Variants in SPOCK3 observed in about 807,000 individuals in gnomAD.
SPOCK3 encodes SPARC (osteonectin), cwcv and kazal like domains proteoglycan 3, also known as testican-3.
Under a neutral mutation model 56.6 loss-of-function variants are expected in SPOCK3, and 30 were observed. That is an observed-to-expected ratio of 0.53 (90% CI 0.40 to 0.72). SPOCK3 has a LOEUF of 0.72. SPOCK3 is among the 30% of genes least tolerant of loss of function. SPOCK3 has a pLI of 0.00. For synonymous variants in SPOCK3, 196 were observed against 183.3 expected (o/e 1.07, Z -0.56); for missense variants, 527 against 530.0 (o/e 0.99, Z 0.06).
chr4:166,796,873 C>A (rs1741995380), intron 6 of SPOCK3, among the ~76,000 whole-genome samples: 1 of 152,154 alleles, frequency 6.6e-6, no homozygotes, highest in Admixed American at 6.6e-5. Flanking sequence ...TACAATTACT[C>A]TAAGGCAAAA....
At chr4:167,188,476 A>G (rs1483838011) in intron 2 of SPOCK3, among the ~76,000 whole-genome samples, 2 of 146,210 alleles carry the variant, frequency 1.4e-5, no homozygotes, top group Non-Finnish European at 3.0e-5. Context: ...GTTACGATAT[A>G]ACAGAAAAAA....
intron 2 of SPOCK3, among the ~76,000 whole-genome samples, chr4:167,221,935 A>G (rs1735959089): frequency 6.6e-6 from 1 of 152,130 alleles, no homozygotes; most frequent in African/African-American, 2.4e-5. Flanking sequence ...TTATCAGATG[A>G]CCCAGCAATT....
At chr4:166,889,075 ACAT>A (rs2127007715) in intron 6 of SPOCK3, 52 bp downstream of exon 6, 1 of 1,107,744 alleles carries the variant, frequency 9.0e-7, no homozygotes, top group Non-Finnish European at 1.4e-6. Context: ...CTATTGCAAA[ACAT>A]TTTAGTAGAG....
At chr4:167,066,541 A>C (rs1286405721) in intron 2 of SPOCK3, among the ~76,000 whole-genome samples, 1 of 151,934 alleles carries the variant, frequency 6.6e-6, no homozygotes, top group South Asian at 2.1e-4. Flanking sequence ...ATAATATTGA[A>C]AGTATATTAA....
At chr4:167,071,461 A>G (rs762570349) in intron 2 of SPOCK3, among the ~76,000 whole-genome samples, 5 of 151,696 alleles carry the variant, frequency 3.3e-5, no homozygotes, top group Non-Finnish European at 7.4e-5. Context: ...TCATTGTTCA[A>G]TTCCCACCTA....
At chr4:167,006,136 A>C (rs1236039454) in intron 3 of SPOCK3, among the ~76,000 whole-genome samples, 4 of 152,144 alleles carry the variant, frequency 2.6e-5, no homozygotes, top group African/African-American at 9.7e-5. Flanking sequence ...AAATATCCTT[A>C]AAACCATTTT....
chr4:167,106,526 C>T (rs1760166421), intron 2 of SPOCK3, among the ~76,000 whole-genome samples: 1 of 151,346 alleles, frequency 6.6e-6, no homozygotes, highest in Non-Finnish European at 1.5e-5. Flanking sequence ...GTGCCTACAT[C>T]AAAAACTAAG....
intron 6 of SPOCK3, among the ~76,000 whole-genome samples, chr4:166,813,947 G>T (rs1744113186): frequency 6.6e-6 from 1 of 152,032 alleles, no homozygotes; most frequent in Non-Finnish European, 1.5e-5. Context: ...TGCTAAAATT[G>T]AAGCACAAAA....
At chr4:167,005,979 CAT>C (rs2150136519) in intron 3 of SPOCK3, among the ~76,000 whole-genome samples, 1 of 152,170 alleles carries the variant, frequency 6.6e-6, no homozygotes, top group African/African-American at 2.4e-5. Flanking sequence ...ATACACAAAT[CAT>C]ATTGATTTTT....
chr4:166,950,589 T>C (rs958434158), intron 4 of SPOCK3, among the ~76,000 whole-genome samples: 3 of 151,574 alleles, frequency 2.0e-5, no homozygotes, highest in South Asian at 2.1e-4. Context: ...GAGGACCTAA[T>C]AGACATCTAA....
Position 166,880,250 on chromosome 4 carries a change from T to TGAA in SPOCK3, c.589+8877_589+8879dup, listed in dbSNP as rs550905491. Among the ~76,000 whole-genome samples, 18 of 152,332 alleles carry TGAA rather than the reference T, an allele frequency of 1.2e-4. No homozygotes were observed. The East Asian group carries it at 2.3e-3, about 20-fold the overall frequency. On this transcript the variant is annotated intron_variant, in intron 6 of 10. Coordinates refer to ENST00000357545, the MANE Select transcript of SPOCK3 (RefSeq NM_001040159.2). The stretch of plus-strand genomic sequence containing the variant: ...GGTCATTTCTCAGGTGTCATATTAC[T>TGAA]GAACATTCCTTCTGTAGTCAAGAGT...
chr4:166,753,366 A>G (rs188910247), intron 8 of SPOCK3, among the ~76,000 whole-genome samples: 2 of 152,120 alleles, frequency 1.3e-5, no homozygotes, highest in East Asian at 3.9e-4. Context: ...TTTAACTTGA[A>G]AGCACATATG....
At chr4:167,213,869 T>A (rs1175081537) in intron 2 of SPOCK3, among the ~76,000 whole-genome samples, 1 of 152,126 alleles carries the variant, frequency 6.6e-6, no homozygotes, top group African/African-American at 2.4e-5. Flanking sequence ...CATAAAAAAT[T>A]GTAAACGTCA....
chr4:167,134,478 A>G (rs1331373043), intron 2 of SPOCK3, among the ~76,000 whole-genome samples: 1 of 152,022 alleles, frequency 6.6e-6, no homozygotes, highest in Non-Finnish European at 1.5e-5. Context: ...ATTTGCTATT[A>G]TTTTTCAATT....
intron 2 of SPOCK3, among the ~76,000 whole-genome samples, chr4:167,102,149 T>C (rs2150327012): frequency 6.6e-6 from 1 of 152,212 alleles, no homozygotes; most frequent in East Asian, 1.9e-4. Flanking sequence ...GAGGAAGCCT[T>C]ATAAGGAGAT....
At chr4:167,006,878 C>G (rs1477842665) in intron 3 of SPOCK3, among the ~76,000 whole-genome samples, 1 of 152,202 alleles carries the variant, frequency 6.6e-6, no homozygotes, top group Non-Finnish European at 1.5e-5. Flanking sequence ...TCCCTCGCAA[C>G]TCAAAACTCT....
chr4:167,173,749 A>G (rs1037002588), intron 2 of SPOCK3, among the ~76,000 whole-genome samples: 3 of 152,124 alleles, frequency 2.0e-5, no homozygotes, highest in African/African-American at 7.2e-5. Flanking sequence ...CTCAGAGTAC[A>G]GTGAGAAAAA....
At chr4:166,863,156 A>C (rs1049769799) in intron 6 of SPOCK3, among the ~76,000 whole-genome samples, 2 of 152,156 alleles carry the variant, frequency 1.3e-5, no homozygotes, top group African/African-American at 4.8e-5. Flanking sequence ...ATATCCAGCC[A>C]AACTAAGCTT....
At chr4:167,213,449 A>C (rs1735069934) in intron 2 of SPOCK3, among the ~76,000 whole-genome samples, 1 of 152,198 alleles carries the variant, frequency 6.6e-6, no homozygotes, top group African/African-American at 2.4e-5. Flanking sequence ...AAAAAAGGTT[A>C]TGTGATATTA....
Sources: gnomAD v4.1 joint callset for allele counts (sites outside exome capture counted in the v4.1 genomes callset) on GRCh38, gnomAD v4.1.1 for gene constraint, MANE v1.5 for transcripts, NCBI Gene and HGNC (gene_info 2026-07-23, HGNC 2026-07-21) for gene names.